PTPDC1: variants seen among roughly 807,000 people sequenced by gnomAD.
PTPDC1 encodes the protein protein tyrosine phosphatase domain containing 1.
Under a neutral mutation model 75.3 loss-of-function variants are expected in PTPDC1, and 53 were observed. The observed-to-expected ratio is 0.70, with a 90% confidence interval of 0.56 to 0.88. The LOEUF (loss-of-function observed/expected upper bound fraction) is 0.88. Ranked by LOEUF, PTPDC1 falls within the 40% of genes least tolerant of loss-of-function variation. The pLI, the probability that PTPDC1 is intolerant of heterozygous loss-of-function variation, is 0.00. For missense variants in PTPDC1, 925 were observed against 998.6 expected (o/e 0.93, Z 0.99); for synonymous variants, 349 against 366.2 (o/e 0.95, Z 0.54).
intron 2 of PTPDC1, among the ~76,000 whole-genome samples, chr9:94,076,774 T>TG (rs1291693222): frequency 6.6e-6 from 1 of 152,230 alleles, no homozygotes; most frequent in Non-Finnish European, 1.5e-5. Context: ...CCAAAGTGTT[T>TG]GCTTCATTTT....
In PTPDC1 at chr9:94,097,445, A is replaced by G; in HGVS notation, c.879A>G (p.Glu293=). The change falls in exon 6 of 9, where the codon GAA becomes GAG. Residue 293 remains glutamate, a synonymous_variant. Coordinates refer to ENST00000620992, the MANE Select transcript of PTPDC1 (RefSeq NM_001253829.2). ...QTRGQLLCVR[E]FTQFLTPLRN... ...GAGGACAGCTCCTCTGTGTAAGGGA[A>G]TTTACTCAGTTTCTAACTCCTCTCC... The G allele has an allele frequency of 6.2e-7, 1 of 1,614,128 alleles. No homozygotes were observed. The highest frequency in any genetic ancestry group is 1.1e-5 in the South Asian group (1 of 91,080).
intron 4 of PTPDC1, among the ~76,000 whole-genome samples, chr9:94,091,358 T>C (rs1173374961): frequency 6.6e-6 from 1 of 152,208 alleles, no homozygotes; most frequent in Non-Finnish European, 1.5e-5. Context: ...TTTTTGTCTT[T>C]GGCTCTGTTT....
intron 8 of PTPDC1, among the ~76,000 whole-genome samples, chr9:94,106,083 A>G (rs966522303): frequency 6.6e-6 from 1 of 151,978 alleles, no homozygotes; most frequent in Non-Finnish European, 1.5e-5. Context: ...AGCTTAACTG[A>G]AAAAAATCCT....
chr9:94,070,390 G>T lies in PTPDC1; in HGVS notation c.82+5569G>T, dbSNP rs146903249. On this transcript the variant is annotated intron_variant, in intron 2 of 9. Transcript: ENST00000375360. The stretch of plus-strand genomic sequence containing the variant: ...CCTTGTGTTGCCCTGACCTTTGCTG[G>T]ATGACCCTTGCTTAGGCTTTATGTA... Among the ~76,000 whole-genome samples, 598 of 152,208 alleles carry T rather than the reference G, an allele frequency of 3.9e-3. 6 individuals are homozygous for T. The highest frequency in any genetic ancestry group is 6.4e-3 in the Non-Finnish European group (433 of 68,008).
chr9:94,055,194 G>A (rs1253650221), intron 1 of PTPDC1, among the ~76,000 whole-genome samples: 1 of 152,176 alleles, frequency 6.6e-6, no homozygotes, highest in African/African-American at 2.4e-5. Flanking sequence ...TGAACTGTGG[G>A]AATTCAAATT....
At position 94,104,380 on chromosome 9, in the gene PTPDC1, A is replaced by G; in HGVS notation, c.2305A>G (p.Thr769Ala). Residue 769 changes from threonine (T) to alanine (A), a missense_variant, in exon 8 of 9, where the codon ACT becomes GCT. Transcript: ENST00000620992. ...AFLAHAIKAF[T>A]KVNFDSENGP... The stretch of plus-strand genomic sequence containing the variant: ...CCTTGCCCATGCCATTAAGGCATTC[A>G]CTAAGGTGGGTCATACTCTTCCTTT... The G allele has an allele frequency of 6.2e-7, 1 of 1,606,052 alleles. No individual in the cohort carries two copies. The highest frequency in any genetic ancestry group is 8.5e-7 in the Non-Finnish European group (1 of 1,172,942).
chr9:94,095,242 T>TGGTCACC, intron 4 of PTPDC1, 75 bp from the exon 5 acceptor site: 1 of 1,062,790 alleles, frequency 9.4e-7, no homozygotes, highest in Non-Finnish European at 1.3e-6. Context: ...TGTAGATCTG[T>TGGTCACC]GTACTTTTCA....
At chr9:94,035,045 C>T (rs1020419679) in intron 1 of PTPDC1, among the ~76,000 whole-genome samples, 2 of 152,040 alleles carry the variant, frequency 1.3e-5, no homozygotes, top group African/African-American at 4.8e-5. Flanking sequence ...TTACTTTATA[C>T]CTTATAATTC....
At chr9:94,099,478 G>A (rs1827756566) in intron 6 of PTPDC1, among the ~76,000 whole-genome samples, 1 of 152,156 alleles carries the variant, frequency 6.6e-6, no homozygotes, top group Non-Finnish European at 1.5e-5. Flanking sequence ...TAAAATTTCT[G>A]AGTGCCAGTA....
At chr9:94,060,177 T>C (rs1564015513) in intron 1 of PTPDC1, among the ~76,000 whole-genome samples, 1 of 152,198 alleles carries the variant, frequency 6.6e-6, no homozygotes, top group Admixed American at 6.5e-5. Flanking sequence ...TCACTAGCTT[T>C]AGATATATGG....
upstream of PTPDC1, chr9:94,084,459 C>G (rs1826990195): frequency 6.3e-7 from 1 of 1,583,936 alleles, no homozygotes; most frequent in African/African-American, 1.3e-5. Context: ...ATGCTCCCTG[C>G]TCTCAGTGAA....
chr9:94,082,500 T>G (rs1258674778), upstream of PTPDC1, among the ~76,000 whole-genome samples: 1 of 152,252 alleles, frequency 6.6e-6, no homozygotes. Flanking sequence ...TTCTTTGTTG[T>G]GTTTATTGTA....
chr9:94,066,132 C>T (rs1376716863), intron 2 of PTPDC1, among the ~76,000 whole-genome samples: 1 of 152,104 alleles, frequency 6.6e-6, no homozygotes, highest in Non-Finnish European at 1.5e-5. Flanking sequence ...AGTAGCATCC[C>T]CAGGTTCCAG....
In PTPDC1 at chr9:94,098,231, G is replaced by T; in HGVS notation, c.1665G>T (p.Gly555=). ...SADVSGSHSP[G]EPVSPSFANV... ...ATGTTTCAGGCTCACACAGCCCTGG[G>T]GAGCCAGTTTCACCCAGCTTTGCAA... Residue 555 remains glycine, a synonymous_variant, in exon 6 of 9, where the codon GGG becomes GGT. Transcript: ENST00000620992. 1 of 1,614,176 alleles carries T rather than the reference G, an allele frequency of 6.2e-7. No homozygotes were observed. Among genetic ancestry groups the T allele is most frequent in the South Asian group, 1.1e-5 (1 of 91,082 alleles).
At chr9:94,088,666 G>A (rs1195642267) in intron 4 of PTPDC1, among the ~76,000 whole-genome samples, 1 of 152,134 alleles carries the variant, frequency 6.6e-6, no homozygotes. Context: ...TTGGAACCTG[G>A]ACATGCTCCA....
chr9:94,097,768 C>A lies in PTPDC1; in HGVS notation c.1202C>A (p.Pro401His). ...LRHDSDVSNP[P>H]NPTAVAADFD... is the part of the protein sequence containing the mutation. ...CATGACAGTGATGTGTCCAACCCGC[C>A]TAACCCCACTGCAGTGGCAGCAGAT... The change falls in exon 6 of 9, where the codon CCT (proline) becomes CAT (histidine). Residue 401 changes from proline to histidine, a missense_variant. Coordinates refer to ENST00000620992, the MANE Select transcript of PTPDC1 (RefSeq NM_001253829.2). The A allele has an allele frequency of 6.2e-7, 1 of 1,614,074 alleles. No individual in the cohort carries two copies. Among genetic ancestry groups the A allele is most frequent in the Non-Finnish European group, 8.5e-7 (1 of 1,179,936 alleles).
chr9:94,031,578 A>C (rs1462914664), intron 1 of PTPDC1, among the ~76,000 whole-genome samples: 1 of 152,092 alleles, frequency 6.6e-6, no homozygotes, highest in African/African-American at 2.4e-5. Flanking sequence ...CGTGACCTTG[A>C]CCAAGTCATT....
chr9:94,060,310 TA>T (rs1392592494), intron 1 of PTPDC1, among the ~76,000 whole-genome samples: 2 of 152,244 alleles, frequency 1.3e-5, no homozygotes, highest in Non-Finnish European at 2.9e-5. Context: ...TGTTACTGTT[TA>T]GACAAAGATA....
At chr9:94,044,291 AT>A (rs960006695) in intron 1 of PTPDC1, among the ~76,000 whole-genome samples, 6 of 152,186 alleles carry the variant, frequency 3.9e-5, no homozygotes, top group African/African-American at 1.4e-4. Context: ...AACACAAAAT[AT>A]TTCTTCATTT....
Sources: allele counts gnomAD v4.1 joint callset (sites outside exome capture counted in the v4.1 genomes callset), GRCh38; gene constraint gnomAD v4.1.1; transcripts MANE v1.5; gene names NCBI Gene and HGNC (gene_info 2026-07-23, HGNC 2026-07-21).